KCNH5: variants seen among roughly 807,000 people sequenced by gnomAD.
KCNH5 encodes potassium voltage-gated channel subfamily H member 5, also known as voltage-gated delayed rectifier potassium channel KCNH5.
KCNH5 carries 46 observed loss-of-function variants against 96.1 expected under a neutral mutation model. The observed-to-expected ratio is 0.48, with a 90% CI of 0.38 to 0.61. The LOEUF is 0.61. Ranked by LOEUF, KCNH5 falls within the 20% of genes least tolerant of loss-of-function variation. KCNH5 has a pLI of 0.00. For missense variants in KCNH5, 907 were observed against 1,225.8 expected (o/e 0.74, Z 3.88); for synonymous variants, 439 against 449.8 (o/e 0.98, Z 0.30).
chr14:62,773,771 A>AT (rs1391293557), intron 10 of KCNH5, among the ~76,000 whole-genome samples: 1 of 152,230 alleles, frequency 6.6e-6, no homozygotes, highest in East Asian at 1.9e-4. Context: ...TGTAACATAT[A>AT]TTTTAAGTTT....
intron 6 of KCNH5, among the ~76,000 whole-genome samples, chr14:62,953,735 T>G (rs924516133): frequency 1.3e-5 from 2 of 152,108 alleles, no homozygotes; most frequent in Non-Finnish European, 2.9e-5. Flanking sequence ...TCAAAAAATT[T>G]CCTTCTCTTC....
At chr14:62,955,464 C>T (rs1471295344) in intron 6 of KCNH5, among the ~76,000 whole-genome samples, 1 of 152,116 alleles carries the variant, frequency 6.6e-6, no homozygotes, top group African/African-American at 2.4e-5. Flanking sequence ...CTATGTGGTA[C>T]CTATCATTAA....
intron 7 of KCNH5, among the ~76,000 whole-genome samples, chr14:62,900,359 T>C (rs1197455911): frequency 6.6e-6 from 1 of 152,228 alleles, no homozygotes; most frequent in South Asian, 2.1e-4. Flanking sequence ...AACCAATGAA[T>C]AGCTTAAGCA....
intron 7 of KCNH5, among the ~76,000 whole-genome samples, chr14:62,902,751 ACT>A (rs1390287611): frequency 6.7e-6 from 1 of 149,700 alleles, no homozygotes; most frequent in Non-Finnish European, 1.5e-5. Context: ...CAAGAGCCTC[ACT>A]CTGTCATGCG....
At chr14:62,997,628 A>G (rs1033592006) in intron 4 of KCNH5, among the ~76,000 whole-genome samples, 1 of 152,028 alleles carries the variant, frequency 6.6e-6, no homozygotes, top group African/African-American at 2.4e-5. Flanking sequence ...GAGGATTTTG[A>G]ATCTATATTC....
At chr14:62,782,064 G>T (rs529856250) in intron 9 of KCNH5, among the ~76,000 whole-genome samples, 1 of 152,282 alleles carries the variant, frequency 6.6e-6, no homozygotes, top group Non-Finnish European at 1.5e-5. Flanking sequence ...GCTTCAGCCG[G>T]TCCCTCCGTT....
At chr14:62,822,149 C>G (rs561001196) in intron 8 of KCNH5, among the ~76,000 whole-genome samples, 1 of 151,998 alleles carries the variant, frequency 6.6e-6, no homozygotes, top group Admixed American at 6.6e-5. Context: ...GAGAGATATA[C>G]CATGTTAATA....
intron 2 of KCNH5, among the ~76,000 whole-genome samples, chr14:63,015,129 G>A (rs1230065667): frequency 6.6e-6 from 1 of 152,068 alleles, no homozygotes. Flanking sequence ...GCAAAAATGA[G>A]GATGGCTAGA....
chr14:62,853,481 C>CATATATATATATATATATAT (rs1306077655), intron 7 of KCNH5, among the ~76,000 whole-genome samples: 1 of 41,334 alleles, frequency 2.4e-5, no homozygotes, highest in Non-Finnish European at 4.7e-5. Context: ...ATATATATAT[C>CATATATATATATATATATAT]ATATATATAT....
At chr14:62,848,199 T>C (rs1257906465) in intron 8 of KCNH5, among the ~76,000 whole-genome samples, 2 of 152,224 alleles carry the variant, frequency 1.3e-5, no homozygotes, top group East Asian at 3.8e-4. Context: ...AGGCCGGTGG[T>C]TGCCTCTTGA....
chr14:62,786,600 T>G (rs902082582), intron 9 of KCNH5, among the ~76,000 whole-genome samples: 13 of 152,216 alleles, frequency 8.5e-5, no homozygotes. Context: ...ATCCTCATTT[T>G]ATTGTGCTTT....
chr14:62,936,098 G>A (rs777154922), intron 7 of KCNH5, among the ~76,000 whole-genome samples: 9 of 152,162 alleles, frequency 5.9e-5, no homozygotes, highest in Non-Finnish European at 1.0e-4. Context: ...CCGTATGCAT[G>A]AAAAAGTGTC....
chr14:62,793,586 T>C (rs745629355), intron 9 of KCNH5, among the ~76,000 whole-genome samples: 2 of 151,882 alleles, frequency 1.3e-5, no homozygotes, highest in South Asian at 2.1e-4. Flanking sequence ...TTTTCTTTTT[T>C]TCTTTCTTGT....
chr14:63,039,736 G>C (rs1164843499), intron 1 of KCNH5, among the ~76,000 whole-genome samples: 1 of 151,914 alleles, frequency 6.6e-6, no homozygotes. Context: ...ATAAAATGTT[G>C]ATCACTGTCA....
chr14:62,866,880 T>G (rs546286426), intron 7 of KCNH5, among the ~76,000 whole-genome samples: 1 of 152,172 alleles, frequency 6.6e-6, no homozygotes, highest in Non-Finnish European at 1.5e-5. Flanking sequence ...AGCCTCCTAA[T>G]TGATACTCTT....
At chr14:62,744,900 A>G (rs1221076222) in intron 10 of KCNH5, among the ~76,000 whole-genome samples, 4 of 152,196 alleles carry the variant, frequency 2.6e-5, no homozygotes, top group East Asian at 3.9e-4. Flanking sequence ...ATCAAGTTAA[A>G]TATCATAGTT....
intron 6 of KCNH5, among the ~76,000 whole-genome samples, chr14:62,960,443 T>C (rs748873793): frequency 1.3e-5 from 2 of 152,150 alleles, no homozygotes; most frequent in African/African-American, 2.4e-5. Context: ...ACCTAACCAA[T>C]ATATAAATCT....
At chr14:62,962,814 GA>G (rs1566723645) in intron 6 of KCNH5, among the ~76,000 whole-genome samples, 1 of 152,102 alleles carries the variant, frequency 6.6e-6, no homozygotes. Flanking sequence ...ACATTTTAAT[GA>G]GTTTAAAAGA....
At chr14:62,915,853 C>A (rs1490801961) in intron 7 of KCNH5, among the ~76,000 whole-genome samples, 1 of 152,094 alleles carries the variant, frequency 6.6e-6, no homozygotes, top group African/African-American at 2.4e-5. Context: ...ATAACCCCCA[C>A]GTGATAAATG....
Sources: allele counts gnomAD v4.1 joint callset (sites outside exome capture counted in the v4.1 genomes callset), GRCh38; gene constraint gnomAD v4.1.1; transcripts MANE v1.5; gene names NCBI Gene and HGNC (gene_info 2026-07-23, HGNC 2026-07-21).